The following ANO3 variants were observed in gnomAD, a reference collection of about 807,000 sequenced individuals.
The protein encoded by ANO3 is anoctamin-3.
In ANO3, 99 loss-of-function variants were observed where a neutral mutation model predicts 144.8. That is an observed-to-expected ratio of 0.68 (90% CI 0.58 to 0.81). The LOEUF is 0.81. Ranked by LOEUF, ANO3 falls within the 30% of genes least tolerant of loss-of-function variation. ANO3 has a pLI of 0.00. For missense variants in ANO3, 905 were observed against 1,202.2 expected (o/e 0.75, Z 3.66); for synonymous variants, 414 against 392.6 (o/e 1.05, Z -0.64).
chr11:26,210,700 T>C (rs1851914198), intron 1 of ANO3, among the ~76,000 whole-genome samples: 2 of 152,318 alleles, frequency 1.3e-5, no homozygotes, highest in Admixed American at 6.5e-5. Context: ...GTCCTCCACA[T>C]CCCTTGTAAG....
chr11:26,248,672 G>A (rs764901815), intron 1 of ANO3, among the ~76,000 whole-genome samples: 6 of 152,172 alleles, frequency 3.9e-5, no homozygotes, highest in Non-Finnish European at 8.8e-5. Context: ...TCTGCTGAAT[G>A]TTCAAAGATT....
intron 17 of ANO3, among the ~76,000 whole-genome samples, chr11:26,610,652 T>G (rs1480669197): frequency 6.6e-6 from 1 of 152,264 alleles, no homozygotes; most frequent in Non-Finnish European, 1.5e-5. Flanking sequence ...AGATTCATAG[T>G]TTTAGGTTTT....
intron 1 of ANO3, among the ~76,000 whole-genome samples, chr11:26,211,328 T>C (rs1401653230): frequency 6.6e-6 from 1 of 152,184 alleles, no homozygotes; most frequent in Non-Finnish European, 1.5e-5. Context: ...AGACACATTG[T>C]ACCTGAATCT....
intron 1 of ANO3, among the ~76,000 whole-genome samples, chr11:26,352,565 A>T (rs1323396983): frequency 6.6e-6 from 1 of 152,142 alleles, no homozygotes; most frequent in African/African-American, 2.4e-5. Context: ...TGTCCTTAAG[A>T]AGCAGTTTCC....
intron 5 of ANO3, among the ~76,000 whole-genome samples, chr11:26,511,323 G>A (rs1272226772): frequency 1.3e-5 from 2 of 152,132 alleles, no homozygotes; most frequent in African/African-American, 4.8e-5. Flanking sequence ...TCTTCCCTCT[G>A]AAAAGGCCAT....
At chr11:26,438,611 A>AAAAAAAAAAAAAAAAAG (rs1858389741) in intron 1 of ANO3, among the ~76,000 whole-genome samples, 3 of 35,512 alleles carry the variant, frequency 8.4e-5, no homozygotes, top group Non-Finnish European at 1.7e-4. Flanking sequence ...AAAAAAAAGA[A>AAAAAAAAAAAAAAAAAG]AAAAAAAAAA....
chr11:26,197,800 G>C (rs376908238), intron 1 of ANO3, among the ~76,000 whole-genome samples: 3 of 152,136 alleles, frequency 2.0e-5, no homozygotes, highest in African/African-American at 7.2e-5. Flanking sequence ...ACTTTTCTGA[G>C]CCCTGCCTTG....
chr11:26,316,197 T>C (rs578205667), intron 1 of ANO3, among the ~76,000 whole-genome samples: 227 of 152,132 alleles, frequency 1.5e-3, no homozygotes, highest in Middle Eastern at 6.8e-3. Flanking sequence ...GGTCGAGAAA[T>C]AAAAGACACA....
intron 18 of ANO3, among the ~76,000 whole-genome samples, chr11:26,626,995 T>C (rs11029653): frequency 0.17 from 25,314 of 152,104 alleles, 2,388 homozygotes; most frequent in African/African-American, 0.26. Context: ...ATAATGTAAT[T>C]GTTAAGAATA....
At chr11:26,333,292 T>C (rs1416902158) in intron 1 of ANO3, among the ~76,000 whole-genome samples, 3 of 151,918 alleles carry the variant, frequency 2.0e-5, no homozygotes, top group African/African-American at 4.8e-5. Flanking sequence ...GACTTTTTTT[T>C]TTTTTTTGAG....
At chr11:26,364,416 C>T (rs766167526) in intron 1 of ANO3, among the ~76,000 whole-genome samples, 5 of 152,136 alleles carry the variant, frequency 3.3e-5, no homozygotes, top group East Asian at 1.9e-4. Flanking sequence ...TAAATCTCCC[C>T]GGGTTAGGCC....
rs587776922 is a variant in ANO3 at position 26,598,397 on chromosome 11, A to T, written c.1480A>T (p.Arg494Trp). ...CTTCCTGGAGTTTTGGAAAAGGAGA[A>T]GGAGTATACTGACCTATACTTGGGA... ...TVFLEFWKRR[R>W]SILTYTWDLI... is the part of the protein sequence containing the mutation. Residue 494 changes from arginine (R) to tryptophan (W), a missense_variant, in exon 15 of 27, where the codon AGG becomes TGG. Transcript: ENST00000256737. The T allele has an allele frequency of 1.3e-6, 2 of 1,564,666 alleles. No individual in the cohort carries two copies. The highest frequency in any genetic ancestry group is 1.2e-5 in the South Asian group (1 of 81,938).
In ANO3 at chr11:26,295,186, T is replaced by C. The variant is rs562503204; in HGVS notation, c.155-14459T>C. ...GCCTCGGCCTCCTAGAGGGCTGGAT[T>C]ACAGGTGTGAGCCACCGCGCCTGCC... On this transcript the variant is annotated intron_variant, in intron 1 of 27. Transcript: ENST00000672621. Among the ~76,000 whole-genome samples, 15 of 152,218 alleles carry C rather than the reference T, an allele frequency of 9.9e-5. 1 individual carries two copies. The South Asian group carries it at 3.1e-3, about 32-fold the overall frequency.
intron 12 of ANO3, among the ~76,000 whole-genome samples, chr11:26,548,285 C>T (rs976704453): frequency 2.0e-5 from 3 of 151,914 alleles, no homozygotes; most frequent in African/African-American, 7.2e-5. Flanking sequence ...GAAATAGGAA[C>T]AGCACATTGT....
At chr11:26,419,600 G>T (rs1857693490) in intron 1 of ANO3, among the ~76,000 whole-genome samples, 1 of 152,028 alleles carries the variant, frequency 6.6e-6, no homozygotes. Flanking sequence ...CTGAAGCTGT[G>T]TGTCTGAACA....
exon 1 of ANO3, chr11:26,189,027 T>G: frequency 4.6e-6 from 1 of 218,498 alleles, no homozygotes. Context: ...TCTGCATGTT[T>G]TATTTCCTTT....
intron 1 of ANO3, among the ~76,000 whole-genome samples, chr11:26,304,133 G>A (rs36054294): frequency 2.6e-5 from 4 of 151,786 alleles, no homozygotes; most frequent in African/African-American, 7.3e-5. Context: ...CATTTTCTTC[G>A]ATTACTACTA....
At chr11:26,400,933 A>T (rs1947693) in intron 1 of ANO3, among the ~76,000 whole-genome samples, 1 of 151,908 alleles carries the variant, frequency 6.6e-6, no homozygotes, top group Non-Finnish European at 1.5e-5. Flanking sequence ...AAAAGAAAAT[A>T]CCAAGTTGCT....
chr11:26,197,616 G>C (rs973819907), intron 1 of ANO3, among the ~76,000 whole-genome samples: 1 of 152,074 alleles, frequency 6.6e-6, no homozygotes, highest in Admixed American at 6.5e-5. Context: ...CTCCCAAAGT[G>C]CTGGGATTAA....
Sources: allele counts gnomAD v4.1 joint callset (sites outside exome capture counted in the v4.1 genomes callset), GRCh38; gene constraint gnomAD v4.1.1; transcripts MANE v1.5; gene names NCBI Gene and HGNC (gene_info 2026-07-23, HGNC 2026-07-21).